ITSN1: variants seen among roughly 807,000 people sequenced by gnomAD.
ITSN1 encodes intersectin-1.
A neutral mutation model predicts 239.8 loss-of-function variants in ITSN1; 58 were observed. The observed-to-expected ratio is 0.24, with a 90% CI of 0.20 to 0.30. The LOEUF is 0.30. Among genes scored for constraint, ITSN1 ranks in the 10% least tolerant of loss-of-function variants. ITSN1 has a pLI of 1.00. For synonymous variants in ITSN1, 780 were observed against 770.8 expected, an observed-to-expected ratio of 1.01 and a Z score of -0.20; for missense variants, 1,558 against 2,103.3, an observed-to-expected ratio of 0.74 and a Z score of 5.07.
intron 1 of ITSN1, among the ~76,000 whole-genome samples, chr21:33,661,677 A>C (rs540292489): frequency 3.6e-4 from 55 of 152,240 alleles, no homozygotes; most frequent in African/African-American, 1.3e-3. Flanking sequence ...GCGTTATGGG[A>C]GGGACCTGAT....
At chr21:33,715,893 G>A (rs1204977105) in intron 1 of ITSN1, among the ~76,000 whole-genome samples, 7 of 152,120 alleles carry the variant, frequency 4.6e-5, no homozygotes, top group Non-Finnish European at 8.8e-5. Context: ...ACTCCAGCCT[G>A]GGGACGGAGT....
intron 24 of ITSN1, among the ~76,000 whole-genome samples, chr21:33,820,964 A>G (rs1224140808): frequency 6.6e-6 from 1 of 152,210 alleles, no homozygotes; most frequent in Non-Finnish European, 1.5e-5. Flanking sequence ...TTTATGCCTT[A>G]GCTTCTTTGT....
chr21:33,712,715 A>C (rs2092449801), intron 1 of ITSN1, among the ~76,000 whole-genome samples: 1 of 152,186 alleles, frequency 6.6e-6, no homozygotes, highest in South Asian at 2.1e-4. Context: ...GAAAAGACAA[A>C]AAAGAAAGTT....
rs888572780 is a variant in ITSN1 at position 33,689,725 on chromosome 21, G to A, written c.-32-29072G>A. Reference sequence around the variant, plus strand: ...GCTCATGCCTGTAATGCTAGCACTCGGGGAGGCTGAGGCCGGTGGATCACC... The same window carrying A: ...GCTCATGCCTGTAATGCTAGCACTCAGGGAGGCTGAGGCCGGTGGATCACC... On this transcript the variant is annotated intron_variant, in intron 1 of 39. Coordinates refer to ENST00000381318, the MANE Select transcript of ITSN1 (RefSeq NM_003024.3). Among the ~76,000 whole-genome samples the A allele has an allele frequency of 3.9e-5, 6 of 151,972 alleles. No individual in the cohort carries two copies. In the South Asian group the frequency reaches 8.3e-4, roughly 21 times the overall value.
intron 29 of ITSN1, among the ~76,000 whole-genome samples, chr21:33,841,086 G>A (rs945712404): frequency 6.6e-6 from 1 of 152,156 alleles, no homozygotes; most frequent in South Asian, 2.1e-4. Context: ...GGGAGAAGCC[G>A]ATCTAAAGCA....
chr21:33,859,330 A>G (rs901509821), intron 31 of ITSN1, among the ~76,000 whole-genome samples: 1 of 151,908 alleles, frequency 6.6e-6, no homozygotes, highest in Non-Finnish European at 1.5e-5. Context: ...GAGTCAAGAG[A>G]CCTGGGTTTG....
At position 33,805,447 on chromosome 21, in the gene ITSN1, C is replaced by G. The variant is rs77166979; in HGVS notation, c.2319+3003C>G. Among the ~76,000 whole-genome samples the G allele has an allele frequency of 7.1e-3, 1,085 of 152,208 alleles. 12 individuals carry two copies. The highest frequency in any genetic ancestry group is 0.025 in the African/African-American group (1,037 of 41,516). On this transcript the variant is annotated intron_variant, in intron 20 of 39. Coordinates refer to ENST00000381318, the MANE Select transcript of ITSN1 (RefSeq NM_003024.3). ...CATCAGAAAGTATCTCATTTAGTAA[C>G]AACTGGCCATAATATCACTGCAGTT...
At chr21:33,692,389 T>C (rs1291745261) in intron 1 of ITSN1, among the ~76,000 whole-genome samples, 4 of 152,198 alleles carry the variant, frequency 2.6e-5, no homozygotes, top group Admixed American at 2.6e-4. Flanking sequence ...CTGTGATGGC[T>C]CAATTTGCTT....
At chr21:33,675,851 C>CT (rs1326011641) in intron 1 of ITSN1, among the ~76,000 whole-genome samples, 1 of 151,974 alleles carries the variant, frequency 6.6e-6, no homozygotes, top group Non-Finnish European at 1.5e-5. Flanking sequence ...TGGGGTTAAT[C>CT]TTTTTTCTTG....
At chr21:33,660,449 AT>A (rs1215721795) in intron 1 of ITSN1, among the ~76,000 whole-genome samples, 2 of 152,192 alleles carry the variant, frequency 1.3e-5, no homozygotes, top group African/African-American at 4.8e-5. Flanking sequence ...AACCTATTAC[AT>A]GTTAACATAA....
intron 5 of ITSN1, among the ~76,000 whole-genome samples, chr21:33,736,693 A>G (rs1227988041): frequency 1.3e-5 from 2 of 152,228 alleles, no homozygotes; most frequent in Admixed American, 6.5e-5. Flanking sequence ...AAATAATTCA[A>G]GGGTGTTTGG....
intron 1 of ITSN1, among the ~76,000 whole-genome samples, chr21:33,688,200 T>C (rs1046073170): frequency 1.3e-5 from 2 of 152,200 alleles, no homozygotes; most frequent in South Asian, 4.1e-4. Context: ...ATGGCTAATA[T>C]AATACCATGA....
intron 5 of ITSN1, among the ~76,000 whole-genome samples, chr21:33,741,351 T>A (rs1005157762): frequency 2.6e-4 from 39 of 152,192 alleles, no homozygotes; most frequent in African/African-American, 9.4e-4. Flanking sequence ...AATATAGTTA[T>A]CAAATAATCT....
intron 36 of ITSN1, 50 bp from the exon 37 acceptor site, chr21:33,884,991 C>T (rs764097117): frequency 1.5e-6 from 2 of 1,370,352 alleles, no homozygotes; most frequent in Non-Finnish European, 2.1e-6. Context: ...AGACCTGAAG[C>T]CTTTTTCCTG....
chr21:33,813,678 A>G (rs1213246952), intron 21 of ITSN1, among the ~76,000 whole-genome samples: 1 of 152,112 alleles, frequency 6.6e-6, no homozygotes, highest in Non-Finnish European at 1.5e-5. Context: ...CACTGTAGAA[A>G]GCCACATTAA....
intron 1 of ITSN1, among the ~76,000 whole-genome samples, chr21:33,704,923 TAAAAAAA>T (rs55966725): frequency 2.1e-5 from 2 of 93,690 alleles, no homozygotes; most frequent in African/African-American, 8.7e-5. Context: ...CCATCTCTAC[TAAAAAAA>T]AAAAAAAAAA....
At chr21:33,643,533 C>T (rs1215432160) in intron 1 of ITSN1, 5 of 151,976 alleles carry the variant, frequency 3.3e-5, no homozygotes, top group Admixed American at 6.6e-5. Flanking sequence ...GATTACATTT[C>T]CTATGGGCAA....
At chr21:33,702,880 C>A (rs2092083516) in intron 1 of ITSN1, among the ~76,000 whole-genome samples, 1 of 152,156 alleles carries the variant, frequency 6.6e-6, no homozygotes, top group African/African-American at 2.4e-5. Flanking sequence ...GAGTTCAGGA[C>A]CAGCCTGGCC....
chr21:33,688,550 A>G (rs2091358272), intron 1 of ITSN1, among the ~76,000 whole-genome samples: 2 of 152,202 alleles, frequency 1.3e-5, no homozygotes, highest in Admixed American at 1.3e-4. Context: ...GAGGCTGGGA[A>G]TGCAGTTCTT....
Sources: allele counts gnomAD v4.1 joint callset (sites outside exome capture counted in the v4.1 genomes callset), GRCh38; gene constraint gnomAD v4.1.1; transcripts MANE v1.5; gene names NCBI Gene and HGNC (gene_info 2026-07-23, HGNC 2026-07-21).